MYO10: variants seen among roughly 807,000 people sequenced by gnomAD.
MYO10 encodes the protein unconventional myosin-X.
A neutral mutation model predicts 257.3 loss-of-function variants in MYO10; 133 were observed. The observed-to-expected ratio is 0.52, with a 90% CI of 0.45 to 0.60. The LOEUF is 0.60. MYO10 is among the 20% of genes least tolerant of loss of function. The pLI is 0.00. For missense variants in MYO10, 2,399 were observed against 2,635.7 expected, an observed-to-expected ratio of 0.91 and a Z score of 1.97; for synonymous variants, 1,104 against 1,028.6, an observed-to-expected ratio of 1.07 and a Z score of -1.40.
chr5:16,663,636 GT>G lies in MYO10; in HGVS notation c.*3055del, dbSNP rs1244097642. ...GTGGAGGACTGCTTGAGCCCAGGAG[GT>G]TGAGGCTGCAATGAGCTGTGACTGT... On this transcript the variant is annotated 3_prime_UTR_variant, in exon 41 of 41. Coordinates refer to ENST00000513610, the MANE Select transcript of MYO10 (RefSeq NM_012334.3). 6.6e-6 allele frequency: 1 copy of G among 152,050 alleles called. No individual in the cohort carries two copies. The highest frequency in any genetic ancestry group is 2.4e-5 in the African/African-American group (1 of 41,366). 9.4% of individuals were successfully genotyped at this position (152,050 alleles called of 1,614,324 possible).
intron 3 of MYO10, among the ~76,000 whole-genome samples, chr5:16,797,080 A>T (rs1307083959): frequency 6.6e-6 from 1 of 152,240 alleles, no homozygotes; most frequent in Non-Finnish European, 1.5e-5. Flanking sequence ...TCATAGTATC[A>T]GCCAGGAACA....
Position 16,699,626 on chromosome 5 carries a change from A to G in MYO10, c.3433-53T>C, listed in dbSNP as rs780504747. The G allele has an allele frequency of 1.8e-5, 29 of 1,607,784 alleles. No homozygotes were observed. In the Middle Eastern group the frequency reaches 6.6e-4, roughly 36 times the overall value. On this transcript the variant is annotated intron_variant, in intron 25 of 40. Coordinates refer to ENST00000513610, the MANE Select transcript of MYO10 (RefSeq NM_012334.3). ...GAGGGAAAAGGCCACAAAGCAAGCC[A>G]CGAAGATACCCAGCATGTATCATCA... is the stretch of plus-strand genomic sequence containing the variant.
chr5:16,927,491 G>T (rs1440661124), intron 1 of MYO10, among the ~76,000 whole-genome samples: 6 of 151,890 alleles, frequency 4.0e-5, no homozygotes, highest in Admixed American at 3.9e-4. Context: ...CGCCCAGCTA[G>T]TTTTTTGTAT....
chr5:16,788,486 T>A (rs1311293505), intron 4 of MYO10, among the ~76,000 whole-genome samples: 1 of 151,972 alleles, frequency 6.6e-6, no homozygotes, highest in African/African-American at 2.4e-5. Flanking sequence ...CAGGGTAGGA[T>A]GGAGAGGCTA....
At chr5:16,720,632 G>GT (rs1739117912) in intron 19 of MYO10, among the ~76,000 whole-genome samples, 1 of 151,962 alleles carries the variant, frequency 6.6e-6, no homozygotes, top group African/African-American at 2.4e-5. Context: ...CTAATTTTTT[G>GT]TATTTTTAGT....
At chr5:16,906,855 T>C (rs541981650) in intron 1 of MYO10, among the ~76,000 whole-genome samples, 55 of 152,270 alleles carry the variant, frequency 3.6e-4, no homozygotes, top group African/African-American at 1.1e-3. Flanking sequence ...CTCACGCCTG[T>C]AATCCGAGCA....
intron 2 of MYO10, among the ~76,000 whole-genome samples, chr5:16,836,849 C>A (rs1335987932): frequency 6.6e-6 from 1 of 152,080 alleles, no homozygotes; most frequent in African/African-American, 2.4e-5. Flanking sequence ...TAGATATATA[C>A]CCAAGAAAAA....
Position 16,794,671 on chromosome 5 carries a change from G to C in MYO10, c.442C>G (p.His148Asp). The C allele has an allele frequency of 6.2e-7, 1 of 1,612,082 alleles. No homozygotes were observed. Among genetic ancestry groups the C allele is most frequent in the East Asian group, 2.2e-5 (1 of 44,768 alleles). ...NECYRCLWKR[H>D]DNQCILISGE... ...CTGATGAGGATGCACTGGTTGTCGT[G>C]GCGCTTCCACAGGCAGCGGTAGCAC... The change falls in exon 4 of 41, where the codon CAC (histidine) becomes GAC (aspartate). Residue 148 changes from histidine to aspartate, a missense_variant. This residue lies in a region of MYO10 where 242 missense variants were observed against 249.5 expected (regional missense o/e 0.97). Transcript: ENST00000513610.
In MYO10 at chr5:16,719,494, T is replaced by C. The variant is rs563898466; in HGVS notation, c.1930-8249A>G. 9.8e-5 allele frequency among the ~76,000 whole-genome samples: 15 copies of C among 152,314 alleles called. 1 individual carries two copies. The highest frequency in any genetic ancestry group is 9.8e-4 in the Admixed American group (15 of 15,304). ...CGACTGCTTCTGCTTTAATAACAAATATCAAATACAGTGTGACAACTCCTT... is the reference window on the plus strand; with the variant it reads ...CGACTGCTTCTGCTTTAATAACAAACATCAAATACAGTGTGACAACTCCTT... On this transcript the variant is annotated intron_variant, in intron 19 of 40. Coordinates refer to ENST00000513610, the MANE Select transcript of MYO10 (RefSeq NM_012334.3).
At chr5:16,859,897 C>A (rs367778374) in intron 2 of MYO10, among the ~76,000 whole-genome samples, 1 of 152,142 alleles carries the variant, frequency 6.6e-6, no homozygotes. Context: ...TTCCTTCAGG[C>A]CCCAATTCTC....
chr5:16,907,408 C>T (rs1005421816), intron 1 of MYO10, among the ~76,000 whole-genome samples: 1 of 151,996 alleles, frequency 6.6e-6, no homozygotes, highest in Non-Finnish European at 1.5e-5. Flanking sequence ...AAGGAGAAGG[C>T]ATCCAACACT....
chr5:16,791,494 T>G (rs1171172234), intron 4 of MYO10, among the ~76,000 whole-genome samples: 1 of 152,036 alleles, frequency 6.6e-6, no homozygotes, highest in South Asian at 2.1e-4. Flanking sequence ...CTCTCCCCCT[T>G]ATTTTTAAAT....
At position 16,711,026 on chromosome 5, in the gene MYO10, C is replaced by G. The variant is rs1429859656; in HGVS notation, c.2055-4G>C. The G allele has an allele frequency of 6.2e-7, 1 of 1,613,962 alleles. No homozygotes were observed. Among genetic ancestry groups the G allele is most frequent in the South Asian group, 1.1e-5 (1 of 91,066 alleles). On this transcript the variant is annotated splice_region_variant and splice_polypyrimidine_tract_variant and intron_variant, in intron 20 of 40. Coordinates refer to ENST00000513610, the MANE Select transcript of MYO10 (RefSeq NM_012334.3). ...ATTCCTCATCAGCACTTTATACCTGCAACGTGAAGACACACAGGGTCACCT... is the reference window on the plus strand; with the variant it reads ...ATTCCTCATCAGCACTTTATACCTGGAACGTGAAGACACACAGGGTCACCT...
At chr5:16,699,615 C>A in intron 25 of MYO10, 42 bp from the exon 26 acceptor site, 1 of 1,610,468 alleles carries the variant, frequency 6.2e-7, no homozygotes, top group South Asian at 1.1e-5. Flanking sequence ...GAAAAGGCCA[C>A]AAAGCAAGCC....
chr5:16,690,654 G>A (rs1439542048), intron 27 of MYO10, among the ~76,000 whole-genome samples: 2 of 151,830 alleles, frequency 1.3e-5, no homozygotes, highest in African/African-American at 2.4e-5. Context: ...TCGGCCCGGC[G>A]TGAGCTCTTT....
chr5:16,888,912 C>T (rs1744965617), intron 1 of MYO10, among the ~76,000 whole-genome samples: 1 of 152,138 alleles, frequency 6.6e-6, no homozygotes, highest in South Asian at 2.1e-4. Context: ...TGACTCATGC[C>T]TGGAATCCCA....
At chr5:16,795,664 A>AT (rs1042806388) in intron 3 of MYO10, among the ~76,000 whole-genome samples, 6 of 152,140 alleles carry the variant, frequency 3.9e-5, no homozygotes, top group Non-Finnish European at 7.4e-5. Context: ...CCTTATTATT[A>AT]TTTATTTTTA....
chr5:16,919,141 C>T (rs183125670), intron 1 of MYO10, among the ~76,000 whole-genome samples: 2 of 152,180 alleles, frequency 1.3e-5, no homozygotes, highest in East Asian at 3.9e-4. Context: ...CTTTGAGAGG[C>T]CAAGGCAGGC....
chr5:16,932,834 G>A (rs998530737), intron 1 of MYO10, among the ~76,000 whole-genome samples: 3 of 152,128 alleles, frequency 2.0e-5, no homozygotes, highest in African/African-American at 7.2e-5. Context: ...GCTCTGGAGC[G>A]CAGCGGTGCA....
Sources: allele counts gnomAD v4.1 joint callset (sites outside exome capture counted in the v4.1 genomes callset), GRCh38; gene constraint gnomAD v4.1.1; regional missense constraint gnomAD v4.1.1; transcripts MANE v1.5; gene names NCBI Gene and HGNC (gene_info 2026-07-23, HGNC 2026-07-21).